Variants in BICRAL observed in about 807,000 individuals in gnomAD.
BICRAL encodes BRD4-interacting chromatin-remodeling complex-associated protein-like.
In BICRAL, 8 loss-of-function variants were observed where a neutral mutation model predicts 91.8. The observed-to-expected ratio is 0.09, with a 90% CI of 0.05 to 0.16. The LOEUF (loss-of-function observed/expected upper bound fraction) is 0.16. Ranked by LOEUF, BICRAL falls within the 10% of genes least tolerant of loss-of-function variation. The pLI, the probability that BICRAL is intolerant of heterozygous loss-of-function variation, is 1.00. For synonymous variants in BICRAL, 445 were observed against 491.1 expected, an observed-to-expected ratio of 0.91 and a Z score of 1.24; for missense variants, 1,038 against 1,310.9, an observed-to-expected ratio of 0.79 and a Z score of 3.21.
At chr6:42,779,139 C>T (rs890591423), upstream of BICRAL, among the ~76,000 whole-genome samples, 14 of 151,598 alleles carry the variant, frequency 9.2e-5, no homozygotes, top group East Asian at 2.5e-3. Context: ...ATTCCTGGGG[C>T]CCAGGAGTTC....
rs1332639972 is a variant in BICRAL at position 42,765,813 on chromosome 6, C to A, written c.-260-16026C>A. ...TTATTTGCTGCTTTTTTTTTAAGAA[C>A]CTGTAGGGGTGAGCATTGATTTGAG... On this transcript the variant is annotated intron_variant, in intron 1 of 14. Transcript: ENST00000614467. 2.0e-5 allele frequency among the ~76,000 whole-genome samples: 3 copies of A among 151,808 alleles called. No individual in the cohort carries two copies. The East Asian group carries it at 5.8e-4, about 29-fold the overall frequency.
chr6:42,820,297 T>TA (rs990827821), intron 2 of BICRAL, among the ~76,000 whole-genome samples: 2 of 152,092 alleles, frequency 1.3e-5, no homozygotes, highest in Non-Finnish European at 2.9e-5. Flanking sequence ...GACGGACACT[T>TA]AAAAAAAATG....
intron 7 of BICRAL, among the ~76,000 whole-genome samples, chr6:42,853,333 T>C (rs1433001225): frequency 6.6e-6 from 1 of 152,174 alleles, no homozygotes; most frequent in Non-Finnish European, 1.5e-5. Context: ...TGGGATTCTG[T>C]AGTGCTGACA....
rs1192829085 is a variant in BICRAL, at chr6:42,797,044, C to CAAA, written c.-101-13243_-101-13241dup. On this transcript the variant is annotated intron_variant, in intron 1 of 12. Transcript: ENST00000314073. The stretch of plus-strand genomic sequence containing the variant: ...GGGCAACAAGAGCGAAACTCTGTCT[C>CAAA]AAAAAAAAAAAAAAAAAAAAAGCTG... 5.0e-4 allele frequency among the ~76,000 whole-genome samples: 22 copies of CAAA among 44,198 alleles called. 5 individuals are homozygous for CAAA. The highest frequency in any genetic ancestry group is 5.3e-4 in the African/African-American group (6 of 11,234). The allele number at this position is 44,198 out of a possible 152,430, so 29.0% of individuals were successfully genotyped here.
intron 1 of BICRAL, among the ~76,000 whole-genome samples, chr6:42,782,580 G>C (rs1281830446): frequency 1.3e-5 from 2 of 150,900 alleles, no homozygotes; most frequent in Non-Finnish European, 3.0e-5. Flanking sequence ...TCTTTTCCGC[G>C]GATGCAAATT....
In BICRAL at chr6:42,793,920, G is replaced by A. The variant is rs538509913; in HGVS notation, c.-102+11819G>A. Among the ~76,000 whole-genome samples, 250 of 151,834 alleles carry A rather than the reference G, an allele frequency of 1.6e-3. 1 individual carries two copies. Among genetic ancestry groups the A allele is most frequent in the African/African-American group, 5.7e-3 (235 of 41,468 alleles). On this transcript the variant is annotated intron_variant, in intron 1 of 12. Transcript: ENST00000314073. ...TAATTTTTGTATTTTTGTAGAGACAGGGTTTCCCCATGTTGTCCAGGCTTG... is the reference window on the plus strand; with the variant it reads ...TAATTTTTGTATTTTTGTAGAGACAAGGTTTCCCCATGTTGTCCAGGCTTG...
intron 5 of BICRAL, among the ~76,000 whole-genome samples, chr6:42,823,884 A>G (rs1764214814): frequency 6.6e-6 from 1 of 151,922 alleles, no homozygotes; most frequent in Non-Finnish European, 1.5e-5. Flanking sequence ...AGATCCCGCC[A>G]CTGCATTCCA....
At chr6:42,795,990 A>G (rs1241033789) in intron 1 of BICRAL, among the ~76,000 whole-genome samples, 1 of 152,210 alleles carries the variant, frequency 6.6e-6, no homozygotes, top group Non-Finnish European at 1.5e-5. Flanking sequence ...GTGCCAAATG[A>G]TTAGTACAAG....
At chr6:42,768,070 A>T (rs976901597) in intron 1 of BICRAL, among the ~76,000 whole-genome samples, 11 of 152,140 alleles carry the variant, frequency 7.2e-5, no homozygotes, top group African/African-American at 2.7e-4. Context: ...GAAGGTGAAG[A>T]GAATGGATTG....
intron 6 of BICRAL, among the ~76,000 whole-genome samples, chr6:42,833,626 T>G (rs1764561856): frequency 6.6e-6 from 1 of 151,786 alleles, no homozygotes; most frequent in African/African-American, 2.4e-5. Flanking sequence ...TTTTGTATTT[T>G]TAGTACAGAC....
intron 1 of BICRAL, among the ~76,000 whole-genome samples, chr6:42,758,974 C>G (rs1199550329): frequency 6.6e-6 from 1 of 152,170 alleles, no homozygotes; most frequent in Non-Finnish European, 1.5e-5. Flanking sequence ...GAGACAGAGA[C>G]GTGTCAGGCT....
At chr6:42,777,228 G>A (rs1422111509), upstream of BICRAL, among the ~76,000 whole-genome samples, 1 of 152,196 alleles carries the variant, frequency 6.6e-6, no homozygotes, top group East Asian at 1.9e-4. Flanking sequence ...CTCTCATTAT[G>A]TTTCAGACAC....
At chr6:42,852,272 G>T in intron 7 of BICRAL, 75 bp downstream of exon 7, 1 of 870,698 alleles carries the variant, frequency 1.1e-6, no homozygotes, top group Non-Finnish European at 2.0e-6. Flanking sequence ...CCCTCATTCT[G>T]CACGAAAGCT....
At chr6:42,790,074 T>C (rs1207580369) in intron 1 of BICRAL, among the ~76,000 whole-genome samples, 1 of 152,172 alleles carries the variant, frequency 6.6e-6, no homozygotes, top group Non-Finnish European at 1.5e-5. Flanking sequence ...TGGCGGCTTA[T>C]AGCATTTGAC....
intron 6 of BICRAL, among the ~76,000 whole-genome samples, chr6:42,832,289 A>C (rs990245644): frequency 2.0e-5 from 3 of 151,070 alleles, no homozygotes; most frequent in African/African-American, 7.3e-5. Context: ...CAGAGGTTGC[A>C]GTGAGCCAAG....
intron 6 of BICRAL, among the ~76,000 whole-genome samples, chr6:42,845,830 G>A (rs1764990490): frequency 2.0e-5 from 3 of 151,846 alleles, no homozygotes; most frequent in South Asian, 2.1e-4. Context: ...TTGGGAGGCC[G>A]AGGTGGGTGG....
At chr6:42,828,393 T>G in intron 5 of BICRAL, 100 bp from the exon 6 acceptor site, 1 of 1,008,456 alleles carries the variant, frequency 9.9e-7, no homozygotes, top group South Asian at 1.7e-5. Flanking sequence ...AGAGCGAGAC[T>G]CCATCTCAAA....
At chr6:42,827,481 G>C (rs750331685) in intron 5 of BICRAL, among the ~76,000 whole-genome samples, 2 of 152,182 alleles carry the variant, frequency 1.3e-5, no homozygotes, top group Non-Finnish European at 2.9e-5. Context: ...TTTAGCAACT[G>C]TCCTATTTCC....
At chr6:42,794,753 A>G (rs946837511) in intron 1 of BICRAL, among the ~76,000 whole-genome samples, 1 of 148,536 alleles carries the variant, frequency 6.7e-6, no homozygotes, top group Non-Finnish European at 1.5e-5. Flanking sequence ...GTTCGAGACC[A>G]GCCTGGCCAA....
Sources: gnomAD v4.1 joint callset for allele counts (sites outside exome capture counted in the v4.1 genomes callset) on GRCh38, gnomAD v4.1.1 for gene constraint, MANE v1.5 for transcripts, NCBI Gene and HGNC (gene_info 2026-07-23, HGNC 2026-07-21) for gene names.